The following MRE11 variants were observed in gnomAD, a reference collection of about 807,000 sequenced individuals.
MRE11 encodes the protein double-strand break repair protein MRE11.
MRE11 carries 62 observed loss-of-function variants against 91.7 expected under a neutral mutation model. That is an observed-to-expected ratio of 0.68 (90% confidence interval 0.55 to 0.84). The LOEUF is 0.84. Ranked by LOEUF, MRE11 falls within the 40% of genes least tolerant of loss-of-function variation. MRE11 has a pLI of 0.00. For missense variants in MRE11, 796 were observed against 852.9 expected (o/e 0.93, Z 0.83); for synonymous variants, 273 against 271.4 (o/e 1.01, Z -0.06).
At chr11:94,465,329 G>A (rs1329964574) in intron 10 of MRE11, among the ~76,000 whole-genome samples, 1 of 151,404 alleles carries the variant, frequency 6.6e-6, no homozygotes, top group African/African-American at 2.4e-5. Context: ...TTGCCATAAT[G>A]AAGAGAACTA....
intron 14 of MRE11, among the ~76,000 whole-genome samples, chr11:94,452,134 T>C (rs1237583008): frequency 1.3e-5 from 2 of 149,828 alleles, no homozygotes; most frequent in African/African-American, 4.9e-5. Context: ...GAGGCAGAGG[T>C]TGCAGTGAGC....
At chr11:94,426,013 C>T (rs1459191062) in intron 19 of MRE11, among the ~76,000 whole-genome samples, 3 of 151,754 alleles carry the variant, frequency 2.0e-5, no homozygotes, top group African/African-American at 7.3e-5. Flanking sequence ...CATCCAGTAA[C>T]TGCAGGATAC....
intron 9 of MRE11, among the ~76,000 whole-genome samples, 182 bp downstream of exon 9, chr11:94,470,289 A>G (rs1247986604): frequency 6.6e-6 from 1 of 152,064 alleles, no homozygotes; most frequent in Non-Finnish European, 1.5e-5. Context: ...CTCTCTCTCA[A>G]TGACTTAAAA....
At chr11:94,431,927 T>C (rs1379839432) in intron 18 of MRE11, among the ~76,000 whole-genome samples, 1 of 151,872 alleles carries the variant, frequency 6.6e-6, no homozygotes, top group East Asian at 1.9e-4. Context: ...TAAGCATATA[T>C]CAAAAATATC....
At chr11:94,435,684 T>C (rs1591640633) in intron 18 of MRE11, 148 bp downstream of exon 18, 1 of 676,006 alleles carries the variant, frequency 1.5e-6, no homozygotes, top group East Asian at 2.7e-5. Context: ...AAACTAGCCC[T>C]TGGTCTGTTT....
intron 18 of MRE11, among the ~76,000 whole-genome samples, chr11:94,435,206 T>C (rs571357879): frequency 6.6e-6 from 1 of 152,282 alleles, no homozygotes; most frequent in Admixed American, 6.5e-5. Context: ...AATCAAATGA[T>C]AGCAAAATAC....
At chr11:94,464,493 A>C (rs1215335972) in intron 10 of MRE11, among the ~76,000 whole-genome samples, 1 of 152,198 alleles carries the variant, frequency 6.6e-6, no homozygotes, top group Non-Finnish European at 1.5e-5. Context: ...ACAATGCAGA[A>C]TGATTACATC....
rs569795161 is a variant in MRE11 at position 94,435,354 on chromosome 11, A to C, written c.1994+478T>G. On this transcript the variant is annotated intron_variant, in intron 18 of 19. Coordinates refer to ENST00000323929, the MANE Select transcript of MRE11 (RefSeq NM_005591.4). ...TGGATCGCCTGAGCTCAGGAGTTCA[A>C]GACCAGCTTGGGCAACATGGCAAAA... Among the ~76,000 whole-genome samples, 10 of 152,294 alleles carry C rather than the reference A, an allele frequency of 6.6e-5. No homozygotes were observed. In the East Asian group the frequency reaches 1.9e-3, roughly 29 times the overall value.
chr11:94,458,501 T>C (rs2134984565), intron 13 of MRE11, among the ~76,000 whole-genome samples: 1 of 152,272 alleles, frequency 6.6e-6, no homozygotes, highest in Middle Eastern at 3.4e-3. Flanking sequence ...ATTTATTGTA[T>C]CAAAACATTT....
chr11:94,420,889 G>A (rs561680102), intron 19 of MRE11, among the ~76,000 whole-genome samples: 17 of 152,188 alleles, frequency 1.1e-4, no homozygotes, highest in African/African-American at 3.9e-4. Context: ...AAAATTGGCC[G>A]GGTGTGGTGG....
intron 19 of MRE11, among the ~76,000 whole-genome samples, chr11:94,420,821 AG>A (rs749200163): frequency 6.6e-6 from 1 of 152,232 alleles, no homozygotes; most frequent in Non-Finnish European, 1.5e-5. Context: ...TCACGAGGTC[AG>A]GAGATCGAGA....
intron 4 of MRE11, among the ~76,000 whole-genome samples, chr11:94,482,138 A>C (rs563628256): frequency 4.1e-4 from 62 of 152,354 alleles, no homozygotes; most frequent in African/African-American, 1.4e-3. Context: ...TGTTAAGAAC[A>C]ATGAGAAAAT....
chr11:94,416,594 C>G lies in MRE11; in HGVS notation c.*3531G>C, dbSNP rs1039546823. On this transcript the variant is annotated 3_prime_UTR_variant, in exon 20 of 20. Transcript: ENST00000323929. Reference sequence around the variant, plus strand: ...GGCGTGGTGGCTCAGGCCTGTAATCCCAGCACTTTGGGAGGCTGAGGTGGG... The same window carrying G: ...GGCGTGGTGGCTCAGGCCTGTAATCGCAGCACTTTGGGAGGCTGAGGTGGG... 1 of 151,406 alleles carries G rather than the reference C, an allele frequency of 6.6e-6. No individual in the cohort carries two copies. Among genetic ancestry groups the G allele is most frequent in the Non-Finnish European group, 1.5e-5 (1 of 67,930 alleles). The allele number at this position is 151,406 out of a possible 1,614,324, so 9.4% of individuals were successfully genotyped here.
the MRE11 span, among the ~76,000 whole-genome samples, chr11:94,506,569 A>T: frequency 2.1e-4 from 32 of 151,684 alleles, no homozygotes; most frequent in Non-Finnish European, 3.8e-4. Flanking sequence ...AAGAAAAAAG[A>T]GGAAGACAGT....
At chr11:94,474,428 C>T (rs1399419275) in intron 7 of MRE11, among the ~76,000 whole-genome samples, 1 of 148,918 alleles carries the variant, frequency 6.7e-6, no homozygotes. Flanking sequence ...ACTGGATCTT[C>T]AAGTCCATAA....
At chr11:94,432,231 C>G (rs1270155497) in intron 18 of MRE11, among the ~76,000 whole-genome samples, 1 of 152,204 alleles carries the variant, frequency 6.6e-6, no homozygotes, top group Non-Finnish European at 1.5e-5. Flanking sequence ...CCCTCCACTA[C>G]TTACCATAGA....
chr11:94,479,328 G>A (rs1946955429), intron 5 of MRE11, among the ~76,000 whole-genome samples: 1 of 151,942 alleles, frequency 6.6e-6, no homozygotes, highest in East Asian at 1.9e-4. Context: ...ATTTAAAGAT[G>A]GTCTTGAACA....
chr11:94,429,642 C>A (rs1945409883), intron 19 of MRE11, among the ~76,000 whole-genome samples: 1 of 152,160 alleles, frequency 6.6e-6, no homozygotes, highest in African/African-American at 2.4e-5. Flanking sequence ...AAGATGGGAA[C>A]AACAGACACT....
chr11:94,492,951 C>T, intron 1 of MRE11, 45 bp from the exon 2 acceptor site: 1 of 726,850 alleles, frequency 1.4e-6, no homozygotes, highest in Non-Finnish European at 2.4e-6. Context: ...TAAAAGCCTG[C>T]ACGTATTTAA....
Sources: allele counts gnomAD v4.1 joint callset (sites outside exome capture counted in the v4.1 genomes callset), GRCh38; gene constraint gnomAD v4.1.1; transcripts MANE v1.5; gene names NCBI Gene and HGNC (gene_info 2026-07-23, HGNC 2026-07-21).